SMG1: variants seen among roughly 807,000 people sequenced by gnomAD.
SMG1 encodes the protein SMG1 nonsense mediated mRNA decay associated PI3K related kinase.
Under a neutral mutation model 419.9 loss-of-function variants are expected in SMG1, and 22 were observed. The observed-to-expected ratio is 0.05, with a 90% CI of 0.04 to 0.07. SMG1 has a LOEUF of 0.07. Among genes scored for constraint, SMG1 ranks in the 10% least tolerant of loss-of-function variants. The probability of loss-of-function intolerance (pLI) is 1.00; values close to 1 mark genes in which losing one functional copy is unlikely to be tolerated. For missense variants in SMG1, 3,185 were observed against 4,342.0 expected, an observed-to-expected ratio of 0.73 and a Z score of 7.49; for synonymous variants, 1,538 against 1,553.5, an observed-to-expected ratio of 0.99 and a Z score of 0.23.
rs1291974914 is a variant in SMG1 at position 18,814,344 on chromosome 16, T to TA, written c.10621+830_10621+831insT. On this transcript the variant is annotated intron_variant, in intron 60 of 62. Coordinates refer to ENST00000446231, the MANE Select transcript of SMG1 (RefSeq NM_015092.5). Reference sequence around the variant, plus strand: ...TATGTTTCTCTGATATATATATATATTTTTTTTAGCCAGGCATGGTGGCGA... The same window carrying TA: ...TATGTTTCTCTGATATATATATATATATTTTTTTAGCCAGGCATGGTGGCGA... 7.5e-4 allele frequency among the ~76,000 whole-genome samples: 113 copies of TA among 150,008 alleles called. No homozygotes were observed. In the Middle Eastern group the frequency reaches 0.01, roughly 14 times the overall value.
Position 18,814,477 on chromosome 16 carries a change from C to T in SMG1, c.10621+698G>A, listed in dbSNP as rs549231589. ...CTGTGCCACTGCACTCCAGCCTGGGCGACAAGAGACAGTTTTGAGACTCCG... is the reference window on the plus strand; with the variant it reads ...CTGTGCCACTGCACTCCAGCCTGGGTGACAAGAGACAGTTTTGAGACTCCG... On this transcript the variant is annotated intron_variant, in intron 60 of 62. Coordinates refer to ENST00000446231, the MANE Select transcript of SMG1 (RefSeq NM_015092.5). Among the ~76,000 whole-genome samples, 9 of 151,092 alleles carry T rather than the reference C, an allele frequency of 6.0e-5. No homozygotes were observed. In the South Asian group the frequency reaches 8.5e-4, roughly 14 times the overall value.
At position 18,884,125 on chromosome 16, in the gene SMG1, G is replaced by A. The variant is rs750064134; in HGVS notation, c.1064C>T (p.Ala355Val). ...CTGACCAAGAAGAGTAGTAGAAAAT[G>A]CAAGATCAGCTACCCAAAATGGCTC... ...SLEPFWVADL[A>V]FSTTLLGQFL... Residue 355 changes from alanine to valine, a missense_variant, in exon 9 of 63, where the codon GCA (alanine) becomes GTA (valine). This residue lies in a region of SMG1 where 27 missense variants were observed against 59.4 expected (regional missense o/e 0.45). Coordinates refer to ENST00000446231, the MANE Select transcript of SMG1 (RefSeq NM_015092.5). 5.0e-6 allele frequency: 8 copies of A among 1,605,902 alleles called. No homozygotes were observed. The Admixed American group carries it at 8.4e-5, about 17-fold the overall frequency.
rs772999073 is a variant in SMG1 at position 18,828,132 on chromosome 16, C to T, written c.9640G>A (p.Ala3214Thr). ...HEDLLINRPQ[A>T]MSVTPPPRSA... ...CGTGGGGGAGGTGTGACTGACATGG[C>T]TTGTGGTCTATTGATAAGTAGATCT... The change falls in exon 55 of 63, where the codon GCC (alanine) becomes ACC (threonine). Residue 3214 changes from alanine (A) to threonine (T), a missense_variant. This residue lies in a region of SMG1 where 737 missense variants were observed against 846.6 expected (regional missense o/e 0.87). Transcript: ENST00000446231. 3 of 1,613,420 alleles carry T rather than the reference C, an allele frequency of 1.9e-6. No homozygotes were observed. The highest frequency in any genetic ancestry group is 1.7e-6 in the Non-Finnish European group (2 of 1,179,640).
intron 39 of SMG1, 144 bp downstream of exon 39, chr16:18,845,285 C>T (rs780011007): frequency 3.1e-6 from 2 of 654,650 alleles, no homozygotes; most frequent in Non-Finnish European, 5.0e-6. Context: ...TTCTATGTTC[C>T]TTATAAGCAA....
chr16:18,925,426 A>G (rs1322311892), intron 1 of SMG1: 2 of 152,504 alleles, frequency 1.3e-5, no homozygotes, highest in African/African-American at 4.8e-5. Flanking sequence ...ATGCTCCACT[A>G]ATGAATGTTC....
At chr16:18,903,111 C>A (rs1210890926) in intron 1 of SMG1, among the ~76,000 whole-genome samples, 1 of 152,178 alleles carries the variant, frequency 6.6e-6, no homozygotes, top group Non-Finnish European at 1.5e-5. Flanking sequence ...AGGCATAAGC[C>A]ACTGCACCCG....
chr16:18,901,328 C>T (rs1211841292), intron 1 of SMG1, among the ~76,000 whole-genome samples: 1 of 152,130 alleles, frequency 6.6e-6, no homozygotes, highest in Non-Finnish European at 1.5e-5. Context: ...GGTTCAGCCT[C>T]TCAAACAGCT....
chr16:18,922,009 A>C (rs1417164493), intron 1 of SMG1, among the ~76,000 whole-genome samples: 1 of 152,248 alleles, frequency 6.6e-6, no homozygotes, highest in Admixed American at 6.5e-5. Context: ...TTACACAATT[A>C]ATGTCCTAAA....
At chr16:18,907,703 T>C (rs1056647490) in intron 1 of SMG1, among the ~76,000 whole-genome samples, 2 of 151,304 alleles carry the variant, frequency 1.3e-5, no homozygotes, top group African/African-American at 4.9e-5. Context: ...CACAAAAACT[T>C]AGCCAGGCCT....
chr16:18,856,748 C>T (rs1465454929), intron 29 of SMG1: 2 of 152,176 alleles, frequency 1.3e-5, no homozygotes, highest in South Asian at 4.2e-4. Flanking sequence ...TCCTTGATCA[C>T]CATTATATCA....
At chr16:18,910,680 TATATAC>T (rs1321172913) in intron 1 of SMG1, among the ~76,000 whole-genome samples, 7 of 152,190 alleles carry the variant, frequency 4.6e-5, no homozygotes, top group Non-Finnish European at 1.0e-4. Flanking sequence ...CTTAATACTG[TATATAC>T]ATTCTTATAA....
At chr16:18,830,441 T>C in intron 51 of SMG1, 72 bp from the exon 52 acceptor site, 1 of 1,507,146 alleles carries the variant, frequency 6.6e-7, no homozygotes, top group Non-Finnish European at 9.2e-7. Context: ...ACAAAGTCAG[T>C]ACATCTCACA....
intron 3 of SMG1, among the ~76,000 whole-genome samples, chr16:18,893,087 T>C (rs568869800): frequency 2.0e-4 from 30 of 152,302 alleles, no homozygotes; most frequent in African/African-American, 6.0e-4. Flanking sequence ...AAACAGGATA[T>C]AGGCTTCTAC....
In SMG1 at chr16:18,817,050, T is replaced by C. The variant is rs1315047909; in HGVS notation, c.10074+241A>G. On this transcript the variant is annotated intron_variant, in intron 57 of 62. Transcript: ENST00000446231. ...CTTCTAAACTTTCATAGTATTTTGG[T>C]TGTAGCTATGAGGATCCTTTACACT... is the stretch of plus-strand genomic sequence containing the variant. Among the ~76,000 whole-genome samples the C allele has an allele frequency of 1.3e-5, 2 of 148,566 alleles. 1 individual carries two copies. The highest frequency in any genetic ancestry group is 4.2e-4 in the South Asian group (2 of 4,720).
intron 3 of SMG1, among the ~76,000 whole-genome samples, 189 bp downstream of exon 3, chr16:18,895,858 CTTGTT>C (rs1375709765): frequency 2.0e-5 from 3 of 152,306 alleles, no homozygotes; most frequent in South Asian, 2.1e-4. Flanking sequence ...GTCTTCTAAT[CTTGTT>C]TTAAGAGGCT....
intron 9 of SMG1, among the ~76,000 whole-genome samples, chr16:18,883,134 G>GA (rs962750084): frequency 3.9e-5 from 6 of 152,128 alleles, no homozygotes; most frequent in South Asian, 4.1e-4. Flanking sequence ...CAGCAAAGAT[G>GA]AAAAAAACAA....
At position 18,838,104 on chromosome 16, in the gene SMG1, A is replaced by G. The variant is rs1343614892; in HGVS notation, c.7323T>C (p.Gly2441=). The change falls in exon 45 of 63, where the codon GGT becomes GGC. Residue 2441 remains glycine, a synonymous_variant. Transcript: ENST00000446231. The part of the protein sequence containing the change: ...AGFAGAVYGG[G]GQQAESKQSK... ...TCTGCTTGCTCTCGGCCTGCTGGCCACCTCCACCATAGACAGCACCAGCAA... is the reference window on the plus strand; with the variant it reads ...TCTGCTTGCTCTCGGCCTGCTGGCCGCCTCCACCATAGACAGCACCAGCAA... The G allele has an allele frequency of 2.5e-6, 4 of 1,613,776 alleles. No individual in the cohort carries two copies. Among genetic ancestry groups the G allele is most frequent in the Non-Finnish European group, 3.4e-6 (4 of 1,179,878 alleles).
chr16:18,871,528 A>C, intron 15 of SMG1, 46 bp from the exon 16 acceptor site: 2 of 990,682 alleles, frequency 2.0e-6, no homozygotes, highest in Non-Finnish European at 2.9e-6. Context: ...AAAAAACAAA[A>C]ACCAAAAAAC....
Position 18,861,702 on chromosome 16 carries a change from A to G in SMG1, c.3696-926T>C, listed in dbSNP as rs557337254. ...TCATTTCTGCCATTAAAAGGTCCTA[A>G]GTCCTCTCCAGGTGGCAGGTTCCCC... is the stretch of plus-strand genomic sequence containing the variant. On this transcript the variant is annotated intron_variant, in intron 25 of 62. Transcript: ENST00000446231. Among the ~76,000 whole-genome samples, 9 of 152,318 alleles carry G rather than the reference A, an allele frequency of 5.9e-5. No individual in the cohort carries two copies. In the South Asian group the frequency reaches 1.0e-3, roughly 18 times the overall value.
Sources: allele counts gnomAD v4.1 joint callset (sites outside exome capture counted in the v4.1 genomes callset), GRCh38; gene constraint gnomAD v4.1.1; regional missense constraint gnomAD v4.1.1; transcripts MANE v1.5; gene names NCBI Gene and HGNC (gene_info 2026-07-23, HGNC 2026-07-21).